LRP1B: variants seen among roughly 807,000 people sequenced by gnomAD.
LRP1B encodes LDL receptor related protein 1B.
LRP1B carries 217 observed loss-of-function variants against 556.6 expected under a neutral mutation model. The observed-to-expected ratio is 0.39, with a 90% CI of 0.35 to 0.44. The LOEUF (loss-of-function observed/expected upper bound fraction) is 0.44. LRP1B is among the 20% of genes least tolerant of loss of function. LRP1B has a pLI of 1.00. For missense variants in LRP1B, 5,053 were observed against 5,620.8 expected (o/e 0.90, Z 3.23); for synonymous variants, 2,047 against 1,865.8 (o/e 1.10, Z -2.50).
At chr2:140,667,152 ATGT>A (rs199552665) in intron 41 of LRP1B, among the ~76,000 whole-genome samples, 289 of 152,232 alleles carry the variant, frequency 1.9e-3, no homozygotes, top group African/African-American at 6.4e-3. Flanking sequence ...AGAAAGAACA[ATGT>A]TGTTGTCCTC....
intron 25 of LRP1B, among the ~76,000 whole-genome samples, chr2:140,883,507 G>GT (rs1693537310): frequency 6.7e-6 from 1 of 149,790 alleles, no homozygotes; most frequent in Non-Finnish European, 1.5e-5. Context: ...TTAAATTACT[G>GT]TTTTGAAAAA....
At chr2:140,825,170 T>A (rs1361968961) in intron 31 of LRP1B, among the ~76,000 whole-genome samples, 1 of 152,128 alleles carries the variant, frequency 6.6e-6, no homozygotes, top group Non-Finnish European at 1.5e-5. Flanking sequence ...AAACAACACT[T>A]GGCTTATTAG....
intron 86 of LRP1B, among the ~76,000 whole-genome samples, chr2:140,249,348 A>AT (rs2104903501): frequency 6.6e-6 from 1 of 151,754 alleles, no homozygotes; most frequent in Non-Finnish European, 1.5e-5. Flanking sequence ...AAACTCTAGA[A>AT]TTATTTAAGT....
At chr2:140,918,186 TTGTGTGTGTG>T (rs61561343) in intron 21 of LRP1B, among the ~76,000 whole-genome samples, 140 of 147,818 alleles carry the variant, frequency 9.5e-4, no homozygotes, top group African/African-American at 3.3e-3. Flanking sequence ...GATTTCTATT[TTGTGTGTGTG>T]TGTGTGTGTG....
chr2:141,829,233 T>C (rs577445194), intron 1 of LRP1B, among the ~76,000 whole-genome samples: 1 of 152,264 alleles, frequency 6.6e-6, no homozygotes, highest in African/African-American at 2.4e-5. Flanking sequence ...TTTATAATTG[T>C]TCCTGGATAC....
intron 1 of LRP1B, among the ~76,000 whole-genome samples, chr2:141,831,058 G>A (rs553269939): frequency 6.6e-6 from 1 of 151,632 alleles, no homozygotes; most frequent in Non-Finnish European, 1.5e-5. Flanking sequence ...TACTAGATTA[G>A]CTTTATTTAA....
chr2:141,972,922 T>A (rs1319046427), intron 1 of LRP1B, among the ~76,000 whole-genome samples: 1 of 151,608 alleles, frequency 6.6e-6, no homozygotes. Context: ...ATACATCGAA[T>A]CCCCATAGAC....
chr2:140,835,003 T>C (rs1691851293), intron 31 of LRP1B, among the ~76,000 whole-genome samples: 2 of 152,228 alleles, frequency 1.3e-5, no homozygotes, highest in East Asian at 1.9e-4. Flanking sequence ...ATACAAATGG[T>C]ATCATACTAT....
At chr2:140,372,870 C>G (rs1683053635) in intron 69 of LRP1B, 138 bp downstream of exon 69, 1 of 853,312 alleles carries the variant, frequency 1.2e-6, no homozygotes. Context: ...ATTAATTTAT[C>G]CACAGATTTG....
At chr2:141,765,145 C>T (rs1001737914) in intron 2 of LRP1B, among the ~76,000 whole-genome samples, 1 of 152,068 alleles carries the variant, frequency 6.6e-6, no homozygotes, top group Non-Finnish European at 1.5e-5. Context: ...GGTTTTTCTT[C>T]ACAAGTGGCA....
At chr2:140,621,255 G>A (rs1683440713) in intron 41 of LRP1B, among the ~76,000 whole-genome samples, 1 of 151,224 alleles carries the variant, frequency 6.6e-6, no homozygotes, top group African/African-American at 2.4e-5. Flanking sequence ...GTGTGGTGGT[G>A]GGCGCCTGTA....
chr2:141,024,392 T>A (rs1698158734), intron 11 of LRP1B, among the ~76,000 whole-genome samples: 1 of 152,018 alleles, frequency 6.6e-6, no homozygotes, highest in African/African-American at 2.4e-5. Context: ...GTAGAGTGCA[T>A]ATAAGGGTCT....
chr2:140,896,728 G>A (rs563442964), intron 23 of LRP1B, among the ~76,000 whole-genome samples: 36 of 152,240 alleles, frequency 2.4e-4, no homozygotes, highest in African/African-American at 8.4e-4. Flanking sequence ...AGATCCTCCT[G>A]TCTCAGCCCT....
At chr2:140,463,406 T>A (rs983036851) in intron 60 of LRP1B, among the ~76,000 whole-genome samples, 1 of 152,140 alleles carries the variant, frequency 6.6e-6, no homozygotes, top group Non-Finnish European at 1.5e-5. Context: ...GCAAACCATT[T>A]AAAAAAATTA....
At chr2:140,758,676 C>T (rs1688818561) in intron 35 of LRP1B, among the ~76,000 whole-genome samples, 2 of 151,784 alleles carry the variant, frequency 1.3e-5, no homozygotes, top group African/African-American at 4.8e-5. Context: ...TGCAAATATA[C>T]TCATTAGTAT....
chr2:141,375,328 G>T (rs1342753065), intron 3 of LRP1B, among the ~76,000 whole-genome samples: 1 of 152,154 alleles, frequency 6.6e-6, no homozygotes, highest in Non-Finnish European at 1.5e-5. Context: ...TCAAGTGTTA[G>T]TGGGTCCTAG....
intron 1 of LRP1B, among the ~76,000 whole-genome samples, chr2:141,990,457 T>C (rs1246826111): frequency 6.6e-6 from 1 of 152,082 alleles, no homozygotes; most frequent in African/African-American, 2.4e-5. Context: ...AAATTTCCTT[T>C]GCTAGTTTAT....
At chr2:141,642,383 T>C (rs1689368619) in intron 2 of LRP1B, among the ~76,000 whole-genome samples, 1 of 152,118 alleles carries the variant, frequency 6.6e-6, no homozygotes, top group Non-Finnish European at 1.5e-5. Flanking sequence ...TTTTCCAAAC[T>C]GGAAGAAACT....
chr2:141,516,219 G>T (rs1684308647), intron 2 of LRP1B, among the ~76,000 whole-genome samples: 1 of 152,052 alleles, frequency 6.6e-6, no homozygotes, highest in Non-Finnish European at 1.5e-5. Context: ...AGGGACATTT[G>T]CTTTGTACAT....
Sources: gnomAD v4.1 joint callset for allele counts (sites outside exome capture counted in the v4.1 genomes callset) on GRCh38, gnomAD v4.1.1 for gene constraint, MANE v1.5 for transcripts, NCBI Gene and HGNC (gene_info 2026-07-23, HGNC 2026-07-21) for gene names.